The following NHSL1 variants were observed in gnomAD, a reference collection of about 807,000 sequenced individuals.
NHSL1 encodes the protein NHS like 1, also known as NHS-like protein 1.
A neutral mutation model predicts 95.0 loss-of-function variants in NHSL1; 48 were observed. The ratio of observed to expected loss-of-function variants is 0.51; its 90% CI spans 0.40 to 0.64. The LOEUF is 0.64. Ranked by LOEUF, NHSL1 falls within the 30% of genes least tolerant of loss-of-function variation. The probability of loss-of-function intolerance (pLI) is 0.00; values close to 1 mark genes in which losing one functional copy is unlikely to be tolerated. For synonymous variants in NHSL1, 783 were observed against 833.9 expected (o/e 0.94, Z 1.05); for missense variants, 1,971 against 2,077.7 (o/e 0.95, Z 1.00).
chr6:138,432,325 G>A lies in NHSL1; in HGVS notation c.2020C>T (p.Pro674Ser). The A allele has an allele frequency of 1.9e-6, 3 of 1,551,738 alleles. No homozygotes were observed. The highest frequency in any genetic ancestry group is 2.6e-6 in the Non-Finnish European group (3 of 1,147,022). ...CGGAGGGAGTCTGTCCGGGAGGGTG[G>A]CAGGGGAGGCTTCTTTGCTTTCTTC... ...SLKKAKKPPL[P>S]PSRTDSLRRI... The change falls in exon 6 of 8, where the codon CCA becomes TCA. Residue 674 changes from proline to serine, a missense_variant. Around this residue, in one of 3 missense-constraint regions of NHSL1, gnomAD observed 1,602 missense variants for 1,654.5 expected, o/e 0.97. Coordinates refer to ENST00000343505, the MANE Select transcript of NHSL1 (RefSeq NM_001144060.2). The surrounding 1 kb of genome is among the most constrained non-coding windows in gnomAD (Gnocchi z 4.4).
intron 3 of NHSL1, chr6:138,470,691 T>C (rs1778695075): frequency 6.6e-6 from 1 of 152,140 alleles, no homozygotes; most frequent in Non-Finnish European, 1.5e-5. Flanking sequence ...AGACCAAATA[T>C]AGGAAAGCCA....
intron 3 of NHSL1, among the ~76,000 whole-genome samples, chr6:138,458,581 C>A (rs779108295): frequency 2.8e-4 from 43 of 152,120 alleles, no homozygotes; most frequent in Non-Finnish European, 5.1e-4. Context: ...GTAATCCCAG[C>A]ACTTTGGGAG....
chr6:138,581,457 C>T (rs772459686), intron 1 of NHSL1, among the ~76,000 whole-genome samples: 3 of 151,886 alleles, frequency 2.0e-5, no homozygotes, highest in Non-Finnish European at 4.4e-5. Flanking sequence ...TTTGGGAGGC[C>T]GAGGTGAGAG....
At chr6:138,690,163 C>T (rs1026112938) in intron 1 of NHSL1, among the ~76,000 whole-genome samples, 21 of 152,202 alleles carry the variant, frequency 1.4e-4, no homozygotes, top group African/African-American at 5.1e-4. Context: ...GCCATCCATA[C>T]TAATGGAGTA....
intron 1 of NHSL1, among the ~76,000 whole-genome samples, chr6:138,534,242 T>A: frequency 6.6e-6 from 1 of 152,214 alleles, no homozygotes; most frequent in Non-Finnish European, 1.5e-5. Flanking sequence ...ATTTCATTCC[T>A]TTAATCAGCA....
At chr6:138,676,874 C>A (rs1785456285) in intron 1 of NHSL1, among the ~76,000 whole-genome samples, 1 of 152,170 alleles carries the variant, frequency 6.6e-6, no homozygotes, top group African/African-American at 2.4e-5. Flanking sequence ...AGGCTGGCCT[C>A]AAACTCCTGA....
chr6:138,506,029 T>C (rs899591469), intron 1 of NHSL1, among the ~76,000 whole-genome samples: 2 of 152,240 alleles, frequency 1.3e-5, no homozygotes, highest in African/African-American at 4.8e-5. Flanking sequence ...TTCATTCTTA[T>C]GCTTTTCAGA....
intron 1 of NHSL1, among the ~76,000 whole-genome samples, chr6:138,523,627 GAA>G (rs67335375): frequency 2.3e-3 from 150 of 64,934 alleles, no homozygotes; most frequent in Non-Finnish European, 3.9e-3. Context: ...TTTTAAAGAG[GAA>G]AAAAAAAAAA....
chr6:138,624,268 G>A (rs1480219213), intron 1 of NHSL1, among the ~76,000 whole-genome samples: 1 of 152,128 alleles, frequency 6.6e-6, no homozygotes, highest in Non-Finnish European at 1.5e-5. Flanking sequence ...TAGGTCTAGG[G>A]TGGTGCCTGA....
intron 1 of NHSL1, among the ~76,000 whole-genome samples, chr6:138,537,790 T>C (rs1430007172): frequency 6.6e-6 from 1 of 152,168 alleles, no homozygotes; most frequent in Non-Finnish European, 1.5e-5. Flanking sequence ...CTTTGCTTTG[T>C]TCCCAAAGTC....
At position 138,692,216 on chromosome 6, in the gene NHSL1, G is replaced by C. The variant is rs1345446711; in HGVS notation, c.96+260C>G. The C allele has an allele frequency of 2.2e-6, 1 of 456,608 alleles. No homozygotes were observed. The highest frequency in any genetic ancestry group is 2.3e-5 in the Admixed American group (1 of 42,582). 28.3% of individuals were successfully genotyped at this position (456,608 alleles called of 1,614,324 possible). A position where few individuals can be genotyped will look rare whatever the true frequency, so the allele number is the denominator to read the frequency against. Reference sequence around the variant, plus strand: ...CAGACAGACAGAAGGAGCAGACAAGGGGACTGTCCAATTCCCACCCTCCGC... The same window carrying C: ...CAGACAGACAGAAGGAGCAGACAAGCGGACTGTCCAATTCCCACCCTCCGC... On this transcript the variant is annotated intron_variant, in intron 1 of 3. Coordinates refer to the NHSL1 transcript ENST00000491526. The surrounding 1 kb of genome is among the most constrained non-coding windows in gnomAD (Gnocchi z 4.0).
At chr6:138,639,400 C>A (rs943280704) in intron 1 of NHSL1, among the ~76,000 whole-genome samples, 8 of 151,550 alleles carry the variant, frequency 5.3e-5, no homozygotes, top group Non-Finnish European at 1.2e-4. Context: ...GCACTTTGGG[C>A]GGCCGAGGTA....
intron 3 of NHSL1, among the ~76,000 whole-genome samples, chr6:138,466,099 G>T (rs531404726): frequency 6.7e-6 from 1 of 148,282 alleles, no homozygotes; most frequent in African/African-American, 2.5e-5. Context: ...GAGTGCAGTG[G>T]TGCGATCTCA....
At chr6:138,624,374 G>C (rs1225781405) in intron 1 of NHSL1, among the ~76,000 whole-genome samples, 1 of 152,154 alleles carries the variant, frequency 6.6e-6, no homozygotes, top group African/African-American at 2.4e-5. Flanking sequence ...TCAGAGAAAA[G>C]AGAAGGGAAG....
chr6:138,598,415 G>A (rs566844187), intron 1 of NHSL1, among the ~76,000 whole-genome samples: 44 of 151,154 alleles, frequency 2.9e-4, no homozygotes, highest in East Asian at 1.8e-3. Context: ...TCAAGATTGC[G>A]CCACTGCACT....
chr6:138,569,268 T>A (rs141361215), intron 1 of NHSL1, among the ~76,000 whole-genome samples: 1,596 of 151,266 alleles, frequency 0.011, 31 homozygotes, highest in African/African-American at 0.037. Flanking sequence ...TGTGTGTGTG[T>A]GTGAGAGAGA....
chr6:138,651,635 C>T (rs1785094740), intron 1 of NHSL1, among the ~76,000 whole-genome samples: 1 of 152,186 alleles, frequency 6.6e-6, no homozygotes, highest in Non-Finnish European at 1.5e-5. Flanking sequence ...GGATCCGGAG[C>T]ATATATACTA....
intron 1 of NHSL1, among the ~76,000 whole-genome samples, chr6:138,570,575 T>C (rs1783801903): frequency 6.6e-6 from 1 of 152,246 alleles, no homozygotes; most frequent in Admixed American, 6.5e-5. Context: ...TATTAGCTAG[T>C]CCCTCTTGTG....
chr6:138,626,709 C>T (rs1270113546), intron 1 of NHSL1, among the ~76,000 whole-genome samples: 2 of 124,086 alleles, frequency 1.6e-5, no homozygotes, highest in Non-Finnish European at 3.3e-5. Context: ...CCGGCTAAAA[C>T]GGTGAAACCC....
Sources: gnomAD v4.1 joint callset for allele counts (sites outside exome capture counted in the v4.1 genomes callset) on GRCh38, gnomAD v4.1.1 for gene constraint, gnomAD v4.1.1 regional missense constraint, Gnocchi (gnomAD v3.1) non-coding constraint, MANE v1.5 for transcripts, NCBI Gene and HGNC (gene_info 2026-07-23, HGNC 2026-07-21) for gene names.